Variants in LOC400499 observed in about 807,000 individuals in gnomAD.
chr16:11,440,535 C>G, the LOC400499 span, among the ~76,000 whole-genome samples: 1 of 152,352 alleles, frequency 6.6e-6, no homozygotes, highest in East Asian at 1.9e-4. Flanking sequence ...AAGAGCCAAA[C>G]ATTGTTTACA....
At chr16:11,395,951 C>G in the LOC400499 span, among the ~76,000 whole-genome samples, 1 of 152,182 alleles carries the variant, frequency 6.6e-6, no homozygotes, top group South Asian at 2.1e-4. Context: ...CTGGCCAGGT[C>G]AGGGCAGAGT....
the LOC400499 span, among the ~76,000 whole-genome samples, chr16:11,439,199 G>A: frequency 1.3e-5 from 2 of 152,120 alleles, no homozygotes; most frequent in Non-Finnish European, 2.9e-5. Context: ...CCCAAATATA[G>A]GGTAGAGTTT....
chr16:11,405,550 G>C, the LOC400499 span, among the ~76,000 whole-genome samples: 1 of 152,180 alleles, frequency 6.6e-6, no homozygotes, highest in Non-Finnish European at 1.5e-5. Flanking sequence ...GCAAAGGTTC[G>C]GAGAGGGACG....
the LOC400499 span, among the ~76,000 whole-genome samples, chr16:11,518,481 T>C: frequency 6.6e-6 from 1 of 151,978 alleles, no homozygotes; most frequent in Admixed American, 6.6e-5. Context: ...CAGACCTCCA[T>C]GGGCCCGGCA....
At chr16:11,474,581 C>A in the LOC400499 span, among the ~76,000 whole-genome samples, 13 of 151,990 alleles carry the variant, frequency 8.6e-5, no homozygotes, top group African/African-American at 2.9e-4. Flanking sequence ...AAAATAAAGC[C>A]GGGTGCAGCG....
the LOC400499 span, among the ~76,000 whole-genome samples, chr16:11,410,807 G>A: frequency 6.6e-6 from 1 of 152,256 alleles, no homozygotes; most frequent in South Asian, 2.1e-4. Flanking sequence ...TGACAGCTCA[G>A]AGGGACAGAG....
At chr16:11,390,351 G>A in the LOC400499 span, 13 of 1,233,892 alleles carry the variant, frequency 1.1e-5, no homozygotes, top group Admixed American at 8.4e-5. Flanking sequence ...CTGGCATCCC[G>A]GGCACCCAGG....
At chr16:11,472,548 G>A in the LOC400499 span, 2 of 152,342 alleles carry the variant, frequency 1.3e-5, no homozygotes, top group South Asian at 4.1e-4. Flanking sequence ...CACAGGCTCT[G>A]CAGCAAGAAT....
At chr16:11,429,625 C>T in the LOC400499 span, among the ~76,000 whole-genome samples, 2 of 152,126 alleles carry the variant, frequency 1.3e-5, no homozygotes, top group South Asian at 2.1e-4. Context: ...AGGCGTGTAC[C>T]GCCACCCCTG....
At chr16:11,463,445 T>C in the LOC400499 span, among the ~76,000 whole-genome samples, 3 of 142,230 alleles carry the variant, frequency 2.1e-5, no homozygotes, top group East Asian at 1.9e-4. Flanking sequence ...TGTGTGTGTA[T>C]ACAGGGGTGT....
At chr16:11,374,066 AAATT>A in the LOC400499 span, among the ~76,000 whole-genome samples, 1 of 152,224 alleles carries the variant, frequency 6.6e-6, no homozygotes, top group South Asian at 2.1e-4. Flanking sequence ...CTGATTTGCT[AAATT>A]AATTACTAAA....
the LOC400499 span, among the ~76,000 whole-genome samples, chr16:11,389,685 C>CAAA: frequency 0.02 from 1,133 of 57,890 alleles, 38 homozygotes; most frequent in African/African-American, 0.028. Flanking sequence ...AACTCCATCT[C>CAAA]AAAAAAAAAA....
the LOC400499 span, among the ~76,000 whole-genome samples, chr16:11,416,797 G>A: frequency 6.6e-6 from 1 of 152,124 alleles, no homozygotes; most frequent in South Asian, 2.1e-4. Context: ...GGATCAGCCC[G>A]TGCCAAGGTC....
At chr16:11,425,544 G>A in the LOC400499 span, 10 of 397,686 alleles carry the variant, frequency 2.5e-5, no homozygotes, top group African/African-American at 1.6e-4. Context: ...TCATGATGTC[G>A]CACTTGTAAC....
At chr16:11,482,424 C>G in the LOC400499 span, among the ~76,000 whole-genome samples, 1 of 152,210 alleles carries the variant, frequency 6.6e-6, no homozygotes, top group African/African-American at 2.4e-5. Context: ...AACATCCCAT[C>G]AGGCAAAAAT....
the LOC400499 span, among the ~76,000 whole-genome samples, chr16:11,420,871 G>A: frequency 6.6e-5 from 10 of 152,190 alleles, no homozygotes; most frequent in African/African-American, 2.2e-4. Flanking sequence ...GGGTGTGCGG[G>A]AAGCCCTGCT....
the LOC400499 span, chr16:11,383,663 G>A: frequency 4.1e-6 from 5 of 1,232,314 alleles, no homozygotes; most frequent in Non-Finnish European, 5.1e-6. Flanking sequence ...GGAGGGGCCA[G>A]GGGTACGAAT....
the LOC400499 span, among the ~76,000 whole-genome samples, chr16:11,464,921 C>A: frequency 2.0e-5 from 3 of 152,338 alleles, no homozygotes; most frequent in Admixed American, 2.0e-4. Flanking sequence ...TCTCAGCCAT[C>A]AGGCAGGTGG....
chr16:11,411,583 A>G, the LOC400499 span, among the ~76,000 whole-genome samples: 2 of 152,134 alleles, frequency 1.3e-5, no homozygotes, highest in Non-Finnish European at 2.9e-5. Flanking sequence ...TGGCACCAGG[A>G]GCAAGCTTCT....
Sources: allele counts gnomAD v4.1 joint callset (sites outside exome capture counted in the v4.1 genomes callset), GRCh38; gene constraint gnomAD v4.1.1; transcripts MANE v1.5.